Variants in CNOT2 observed in about 807,000 individuals in gnomAD.
CNOT2 encodes CCR4-NOT transcription complex subunit 2.
In CNOT2, 7 loss-of-function variants were observed where a neutral mutation model predicts 72.1. The ratio of observed to expected loss-of-function variants is 0.10; its 90% confidence interval spans 0.06 to 0.18. The LOEUF (loss-of-function observed/expected upper bound fraction) is 0.18, where lower values mean the gene tolerates loss of function less well. Ranked by LOEUF, CNOT2 falls within the 10% of genes least tolerant of loss-of-function variation. The pLI is 1.00. For synonymous variants in CNOT2, 196 were observed against 225.6 expected (o/e 0.87, Z 1.17); for missense variants, 345 against 660.3 (o/e 0.52, Z 5.23).
At chr12:70,264,149 C>T (rs886676424) in intron 1 of CNOT2, among the ~76,000 whole-genome samples, 5 of 152,138 alleles carry the variant, frequency 3.3e-5, no homozygotes, top group African/African-American at 1.2e-4. Context: ...ATTTTGGCCC[C>T]TTTGTAGGGG....
At chr12:70,273,644 G>C (rs533581419) in intron 1 of CNOT2, among the ~76,000 whole-genome samples, 2 of 152,240 alleles carry the variant, frequency 1.3e-5, no homozygotes, top group South Asian at 4.1e-4. Flanking sequence ...TTTCAAGCCT[G>C]TGGTTCAGAA....
Position 70,303,651 on chromosome 12 carries a change from T to G in CNOT2, c.49-7244T>G, listed in dbSNP as rs1298927779. On this transcript the variant is annotated intron_variant, in intron 2 of 15. Transcript: ENST00000229195. ...CTTTCTCTCTGGATGCCCTTAACAT[T>G]TTTTCCTTCATTTCAACTTTGGTGA... Among the ~76,000 whole-genome samples, 4 of 152,176 alleles carry G rather than the reference T, an allele frequency of 2.6e-5. 1 individual carries two copies. The highest frequency in any genetic ancestry group is 9.7e-5 in the African/African-American group (4 of 41,424).
intron 1 of CNOT2, among the ~76,000 whole-genome samples, chr12:70,269,382 A>AT (rs890469694): frequency 2.0e-5 from 3 of 150,780 alleles, no homozygotes; most frequent in Non-Finnish European, 2.9e-5. Flanking sequence ...GGTTATTAAT[A>AT]TTTTTTGTTC....
intron 6 of CNOT2, chr12:70,330,844 A>T (rs972183070): frequency 2.5e-5 from 4 of 161,178 alleles, no homozygotes; most frequent in African/African-American, 9.6e-5. Flanking sequence ...TGCTTTAGTT[A>T]TACTTTGAGT....
chr12:70,335,640 A>C, intron 8 of CNOT2, 77 bp downstream of exon 8: 1 of 1,079,076 alleles, frequency 9.3e-7, no homozygotes, highest in South Asian at 1.4e-5. Context: ...ACATGTACGT[A>C]TACATATGCT....
At chr12:70,342,983 AGTTCT>A (rs1425281727) in intron 13 of CNOT2, among the ~76,000 whole-genome samples, 1 of 152,122 alleles carries the variant, frequency 6.6e-6, no homozygotes, top group African/African-American at 2.4e-5. Flanking sequence ...TGTGCCTTAC[AGTTCT>A]GTGGTCAAGT....
intron 1 of CNOT2, among the ~76,000 whole-genome samples, chr12:70,257,824 A>G (rs1379270655): frequency 6.6e-6 from 1 of 152,228 alleles, no homozygotes; most frequent in Non-Finnish European, 1.5e-5. Flanking sequence ...GTACAGGCCT[A>G]ACAAATGTAA....
At chr12:70,282,809 T>C (rs1349704355) in intron 2 of CNOT2, among the ~76,000 whole-genome samples, 2 of 152,204 alleles carry the variant, frequency 1.3e-5, no homozygotes, top group Non-Finnish European at 2.9e-5. Context: ...TTTTATGTAT[T>C]GTGTGGCAAT....
intron 2 of CNOT2, 100 bp downstream of exon 2, chr12:70,278,374 C>G: frequency 1.4e-6 from 1 of 732,140 alleles, no homozygotes; most frequent in Non-Finnish European, 2.2e-6. Context: ...ATTGGTTACA[C>G]CTCAATTTGA....
chr12:70,335,190 T>G (rs186156366), intron 7 of CNOT2: 62 of 297,860 alleles, frequency 2.1e-4, no homozygotes, highest in African/African-American at 1.3e-3. Context: ...TTATTCTCTT[T>G]GTTACATCTC....
intron 4 of CNOT2, among the ~76,000 whole-genome samples, chr12:70,326,693 T>G (rs542312081): frequency 6.6e-6 from 1 of 151,868 alleles, no homozygotes; most frequent in Non-Finnish European, 1.5e-5. Flanking sequence ...TTAAAGAAAT[T>G]CAGTTTTTAA....
chr12:70,265,928 T>G (rs866016248), intron 1 of CNOT2, among the ~76,000 whole-genome samples: 3 of 151,970 alleles, frequency 2.0e-5, no homozygotes, highest in African/African-American at 7.2e-5. Flanking sequence ...GGAGATACTT[T>G]CCAGTTTCTC....
intron 8 of CNOT2, 152 bp downstream of exon 8, chr12:70,335,715 A>G: frequency 4.0e-6 from 2 of 498,072 alleles, no homozygotes; most frequent in Non-Finnish European, 3.5e-6. Context: ...CAGAATTGAT[A>G]TATTAGAAGT....
intron 15 of CNOT2, among the ~76,000 whole-genome samples, chr12:70,351,571 G>T (rs1212931908): frequency 6.6e-6 from 1 of 151,966 alleles, no homozygotes; most frequent in Admixed American, 6.6e-5. Context: ...TATTTTTCTG[G>T]GGGAAAATGT....
intron 2 of CNOT2, among the ~76,000 whole-genome samples, chr12:70,284,356 T>C (rs989850535): frequency 6.6e-6 from 1 of 152,006 alleles, no homozygotes; most frequent in Non-Finnish European, 1.5e-5. Context: ...GCAATTTTCG[T>C]GCCTCAGCCT....
intron 2 of CNOT2, chr12:70,294,303 G>A (rs981104935): frequency 1.6e-6 from 2 of 1,289,338 alleles, no homozygotes; most frequent in Admixed American, 4.6e-5. Context: ...AGGTAAGTAT[G>A]TGGTGGGGAA....
At chr12:70,254,547 C>T (rs1958326481) in intron 1 of CNOT2, among the ~76,000 whole-genome samples, 1 of 152,142 alleles carries the variant, frequency 6.6e-6, no homozygotes, top group Non-Finnish European at 1.5e-5. Flanking sequence ...ATAACTGAAA[C>T]TGAAGAAGAA....
intron 3 of CNOT2, among the ~76,000 whole-genome samples, chr12:70,316,814 C>T (rs1280005821): frequency 2.0e-5 from 3 of 152,120 alleles, no homozygotes; most frequent in Non-Finnish European, 4.4e-5. Flanking sequence ...TACTTACTCC[C>T]TCCTCCCATT....
At position 70,278,123 on chromosome 12, in the gene CNOT2, C is replaced by A; in HGVS notation, c.-95-9C>A. 2.7e-6 allele frequency: 2 copies of A among 732,544 alleles called. No homozygotes were observed. The highest frequency in any genetic ancestry group is 4.7e-6 in the Non-Finnish European group (2 of 422,894). The allele number at this position is 732,544 out of a possible 1,614,324, so 45.4% of individuals were successfully genotyped here. A position where few individuals can be genotyped will look rare whatever the true frequency, so the allele number is the denominator to read the frequency against. ...TAATTTTGATGGCTTTTGGATAATT[C>A]CACTCTAGAGGGAGACGTGGTGGGC... is the stretch of plus-strand genomic sequence containing the variant. On this transcript the variant is annotated splice_polypyrimidine_tract_variant and intron_variant, in intron 1 of 15. Transcript: ENST00000229195.
Sources: gnomAD v4.1 joint callset for allele counts (sites outside exome capture counted in the v4.1 genomes callset) on GRCh38, gnomAD v4.1.1 for gene constraint, MANE v1.5 for transcripts, NCBI Gene and HGNC (gene_info 2026-07-23, HGNC 2026-07-21) for gene names.